The following CPPED1 variants were observed in gnomAD, a reference collection of about 807,000 sequenced individuals.
CPPED1 encodes calcineurin like phosphoesterase domain containing 1, also known as serine/threonine-protein phosphatase CPPED1.
Under a neutral mutation model 28.0 loss-of-function variants are expected in CPPED1, and 28 were observed. The observed-to-expected ratio is 1.00, with a 90% CI of 0.74 to 1.37. The LOEUF (loss-of-function observed/expected upper bound fraction) is 1.37. Among genes scored for constraint, CPPED1 ranks in the 40% most tolerant of loss-of-function variants. The probability of loss-of-function intolerance (pLI) is 0.00; values close to 1 mark genes in which losing one functional copy is unlikely to be tolerated. For missense variants in CPPED1, 504 were observed against 416.5 expected, an observed-to-expected ratio of 1.21 and a Z score of -1.83; for synonymous variants, 198 against 180.2, an observed-to-expected ratio of 1.10 and a Z score of -0.79.
In CPPED1 at chr16:12,785,486, G is replaced by A. The variant is rs561631584; in HGVS notation, c.71-4083C>T. On this transcript the variant is annotated intron_variant, in intron 1 of 3. Coordinates refer to ENST00000381774, the MANE Select transcript of CPPED1 (RefSeq NM_018340.3). ...TCTGTCACCTAGGCTCCAGTGCAATGCTGCAATCTCTGCTTACTGCAATCT... is the reference window on the plus strand; with the variant it reads ...TCTGTCACCTAGGCTCCAGTGCAATACTGCAATCTCTGCTTACTGCAATCT... 1.9e-4 allele frequency among the ~76,000 whole-genome samples: 27 copies of A among 141,726 alleles called. No individual in the cohort carries two copies. The East Asian group carries it at 5.6e-3, about 29-fold the overall frequency. 93.0% of individuals were successfully genotyped at this position (141,726 alleles called of 152,430 possible).
chr16:12,801,944 G>C (rs55742286), intron 1 of CPPED1, among the ~76,000 whole-genome samples: 33,405 of 151,982 alleles, frequency 0.22, 4,824 homozygotes, highest in African/African-American at 0.41. Flanking sequence ...CCTGAGAAAA[G>C]GAGCGACCTT....
chr16:12,665,138 T>A, intron 3 of CPPED1, 23 bp from the exon 4 acceptor site: 2 of 1,583,680 alleles, frequency 1.3e-6, no homozygotes, highest in Non-Finnish European at 1.7e-6. Flanking sequence ...GAAAAAGTCA[T>A]TAGGGGGCCG....
chr16:12,792,754 C>T (rs1461611308), intron 1 of CPPED1, among the ~76,000 whole-genome samples: 1 of 152,142 alleles, frequency 6.6e-6, no homozygotes, highest in Non-Finnish European at 1.5e-5. Context: ...CGCAGTTCCC[C>T]TGCACACGCT....
chr16:12,734,640 A>G (rs1428071645), intron 2 of CPPED1, among the ~76,000 whole-genome samples: 1 of 152,100 alleles, frequency 6.6e-6, no homozygotes, highest in Non-Finnish European at 1.5e-5. Context: ...CGGCCTCCCA[A>G]AGTGCTGGGA....
intron 3 of CPPED1, among the ~76,000 whole-genome samples, chr16:12,704,394 T>C (rs1019596400): frequency 6.6e-6 from 1 of 152,142 alleles, no homozygotes; most frequent in Admixed American, 6.5e-5. Context: ...CTTGACACCA[T>C]CCTGCAATAA....
At position 12,704,772 on chromosome 16, in the gene CPPED1, C is replaced by A; in HGVS notation, c.567G>T (p.Leu189=). The A allele has an allele frequency of 1.2e-6, 2 of 1,614,228 alleles. No homozygotes were observed. The stretch of plus-strand genomic sequence containing the variant: ...GGCAGTGCCGCTGCCTCGCGATGCT[C>A]AGCTGCTCGTCCAGCCACTGGTCCT... ...QAQDQWLDEQ[L]SIARQRHCQH... is the part of the protein sequence containing the mutation. Residue 189 remains leucine, a synonymous_variant, in exon 3 of 4, where the codon CTG becomes CTT. Transcript: ENST00000381774.
intron 2 of CPPED1, among the ~76,000 whole-genome samples, chr16:12,762,718 A>G (rs1003441828): frequency 1.3e-5 from 2 of 152,050 alleles, no homozygotes; most frequent in African/African-American, 2.4e-5. Context: ...GCTAACAGGG[A>G]CGGAGTTTCT....
intron 2 of CPPED1, among the ~76,000 whole-genome samples, chr16:12,779,369 C>A (rs1401703781): frequency 6.6e-6 from 1 of 151,008 alleles, no homozygotes; most frequent in Non-Finnish European, 1.5e-5. Context: ...CAGGCATGCA[C>A]CACCACGCCT....
At chr16:12,674,991 A>C (rs978444669) in intron 3 of CPPED1, among the ~76,000 whole-genome samples, 131 of 152,342 alleles carry the variant, frequency 8.6e-4, no homozygotes, top group African/African-American at 3.1e-3. Flanking sequence ...ACAGCATGGC[A>C]GTCCAGCTCT....
chr16:12,704,522 C>G, intron 3 of CPPED1, 102 bp downstream of exon 3: 2 of 1,269,208 alleles, frequency 1.6e-6, no homozygotes, highest in Non-Finnish European at 2.2e-6. Flanking sequence ...GCCTAGTCCT[C>G]TCTCCCTTTT....
At chr16:12,751,214 G>T (rs1000617794) in intron 2 of CPPED1, among the ~76,000 whole-genome samples, 10 of 152,156 alleles carry the variant, frequency 6.6e-5, no homozygotes, top group Non-Finnish European at 1.0e-4. Context: ...TCAGGGAGAG[G>T]TGGCTACCTT....
chr16:12,665,475 T>G (rs547261029), intron 3 of CPPED1, among the ~76,000 whole-genome samples: 1 of 152,112 alleles, frequency 6.6e-6, no homozygotes, highest in Non-Finnish European at 1.5e-5. Context: ...AATATCCAGA[T>G]GACAAAAGTT....
intron 3 of CPPED1, among the ~76,000 whole-genome samples, chr16:12,703,151 G>A (rs892532005): frequency 6.6e-6 from 1 of 152,026 alleles, no homozygotes; most frequent in Non-Finnish European, 1.5e-5. Context: ...TTGTTTCCTT[G>A]TCATCAAGAC....
At chr16:12,681,673 G>C (rs1440597582) in intron 3 of CPPED1, among the ~76,000 whole-genome samples, 1 of 152,142 alleles carries the variant, frequency 6.6e-6, no homozygotes, top group Non-Finnish European at 1.5e-5. Context: ...GGCTTCATTA[G>C]GATGTAAGTA....
intron 2 of CPPED1, among the ~76,000 whole-genome samples, chr16:12,762,224 T>C (rs867929687): frequency 2.0e-4 from 30 of 152,314 alleles, no homozygotes; most frequent in Admixed American, 1.3e-4. Context: ...AAAAATACTC[T>C]CTCATTTATT....
At chr16:12,743,208 ACTTCTCTGCTAGTGAAGT>A (rs1203505336) in intron 2 of CPPED1, among the ~76,000 whole-genome samples, 1 of 152,178 alleles carries the variant, frequency 6.6e-6, no homozygotes, top group Non-Finnish European at 1.5e-5. Context: ...AAGTCTCAGG[ACTTCTCTGCTAGTGAAGT>A]CTTTTCTGCA....
chr16:12,731,033 T>C (rs1002055115), intron 2 of CPPED1, among the ~76,000 whole-genome samples: 1 of 152,146 alleles, frequency 6.6e-6, no homozygotes, highest in Admixed American at 6.5e-5. Flanking sequence ...ACTTTTAGTC[T>C]TTATAAAGAG....
chr16:12,782,433 C>T (rs1055557072), intron 1 of CPPED1, among the ~76,000 whole-genome samples: 14 of 152,164 alleles, frequency 9.2e-5, no homozygotes, highest in Non-Finnish European at 4.4e-5. Context: ...CCCCGATCTA[C>T]AGCCCCCTCA....
At chr16:12,718,339 G>C (rs1310917770) in intron 2 of CPPED1, among the ~76,000 whole-genome samples, 1 of 152,098 alleles carries the variant, frequency 6.6e-6, no homozygotes, top group Non-Finnish European at 1.5e-5. Flanking sequence ...AGGAGTTCGA[G>C]ACCAGCTTGG....
Sources: allele counts gnomAD v4.1 joint callset (sites outside exome capture counted in the v4.1 genomes callset), GRCh38; gene constraint gnomAD v4.1.1; transcripts MANE v1.5; gene names NCBI Gene and HGNC (gene_info 2026-07-23, HGNC 2026-07-21).